Variants in INIP observed in about 807,000 individuals in gnomAD.
The protein encoded by INIP is SOSS complex subunit C.
A neutral mutation model predicts 14.0 loss-of-function variants in INIP; 9 were observed. The observed-to-expected ratio is 0.64, with a 90% CI of 0.39 to 1.12. INIP has a LOEUF of 1.12. Ranked by LOEUF, INIP falls within the 50% of genes most tolerant of loss-of-function variation. The pLI, the probability that INIP is intolerant of heterozygous loss-of-function variation, is 0.01. For missense variants in INIP, 78 were observed against 122.7 expected, an observed-to-expected ratio of 0.64 and a Z score of 1.72; for synonymous variants, 37 against 41.5, an observed-to-expected ratio of 0.89 and a Z score of 0.41.
intron 1 of INIP, among the ~76,000 whole-genome samples, chr9:112,716,794 TA>T (rs1389596768): frequency 2.6e-4 from 37 of 144,444 alleles, no homozygotes; most frequent in African/African-American, 3.0e-4. Flanking sequence ...AAAATAAAAT[TA>T]AAAAAAAAAA....
chr9:112,716,565 A>T, intron 1 of INIP, 24 bp from the exon 2 acceptor site: 38 of 1,144,118 alleles, frequency 3.3e-5, no homozygotes, highest in Non-Finnish European at 4.8e-5. Context: ...GTACACACAT[A>T]TACAATGCAC....
chr9:112,708,913 C>T (rs1367441149), intron 2 of INIP, among the ~76,000 whole-genome samples: 1 of 151,550 alleles, frequency 6.6e-6, no homozygotes, highest in Non-Finnish European at 1.5e-5. Context: ...CTTGCTCTGT[C>T]CTAAATCTAG....
chr9:112,698,783 T>C (rs1645680824), intron 2 of INIP, among the ~76,000 whole-genome samples: 1 of 152,186 alleles, frequency 6.6e-6, no homozygotes. Context: ...GTCAGATAAC[T>C]ATCTTAAGGA....
intron 1 of INIP, among the ~76,000 whole-genome samples, chr9:112,717,553 C>T (rs1331507966): frequency 6.6e-6 from 1 of 152,048 alleles, no homozygotes; most frequent in African/African-American, 2.4e-5. Context: ...TTAACAAACC[C>T]GCTCTTTAAA....
chr9:112,698,135 T>A (rs1364868092), intron 2 of INIP, among the ~76,000 whole-genome samples: 2 of 151,640 alleles, frequency 1.3e-5, no homozygotes, highest in Non-Finnish European at 2.9e-5. Flanking sequence ...AAACCCCATC[T>A]CTACTAAAAA....
intron 2 of INIP, among the ~76,000 whole-genome samples, chr9:112,697,367 T>C (rs1838131302): frequency 6.6e-6 from 1 of 152,184 alleles, no homozygotes; most frequent in Non-Finnish European, 1.5e-5. Flanking sequence ...ACTTACTAGG[T>C]TGTTTGGACC....
At chr9:112,711,721 G>A (rs1838653267) in intron 2 of INIP, among the ~76,000 whole-genome samples, 3 of 152,172 alleles carry the variant, frequency 2.0e-5, no homozygotes, top group Non-Finnish European at 2.9e-5. Context: ...AATCGCACAT[G>A]GCTATGTGAG....
chr9:112,713,103 CT>C lies in INIP; in HGVS notation c.25+3357del, dbSNP rs540602880. Among the ~76,000 whole-genome samples the C allele has an allele frequency of 1.4e-3, 216 of 152,286 alleles. 2 individuals are homozygous for C. Among genetic ancestry groups the C allele is most frequent in the African/African-American group, 4.7e-3 (194 of 41,574 alleles). On this transcript the variant is annotated intron_variant, in intron 2 of 4. Transcript: ENST00000374242. ...AGACCGAAGAATGAAAACAAAACAA[CT>C]TGCTAATAAAAGAAATAACCCAATT...
rs531094576 is a variant in INIP, at chr9:112,712,377, A to T, written c.25+4084T>A. On this transcript the variant is annotated intron_variant, in intron 2 of 4. Coordinates refer to ENST00000374242, the MANE Select transcript of INIP (RefSeq NM_021218.3). ...AGCTGTCTGCTAGAACAAAAATCAC[A>T]ATTTCAGAAGAATATAACAGAATCC... Among the ~76,000 whole-genome samples, 376 of 149,340 alleles carry T rather than the reference A, an allele frequency of 2.5e-3. 6 individuals are homozygous for T. The highest frequency in any genetic ancestry group is 9.3e-3 in the African/African-American group (362 of 38,770).
In INIP at chr9:112,716,211, T is replaced by C. The variant is rs189002084; in HGVS notation, c.25+250A>G. 1.6e-3 allele frequency among the ~76,000 whole-genome samples: 239 copies of C among 152,300 alleles called. 3 individuals carry two copies. Among genetic ancestry groups the C allele is most frequent in the African/African-American group, 5.4e-3 (225 of 41,558 alleles). On this transcript the variant is annotated intron_variant, in intron 2 of 4. Coordinates refer to ENST00000374242, the MANE Select transcript of INIP (RefSeq NM_021218.3). Reference sequence around the variant, plus strand: ...CCTCAGCCTCCCTAGTAGCTGGGATTACAGGTGCCCGCCACCATGCCCAGC... The same window carrying C: ...CCTCAGCCTCCCTAGTAGCTGGGATCACAGGTGCCCGCCACCATGCCCAGC...
chr9:112,704,223 C>T (rs1359863221), intron 2 of INIP, among the ~76,000 whole-genome samples: 1 of 152,134 alleles, frequency 6.6e-6, no homozygotes, highest in African/African-American at 2.4e-5. Flanking sequence ...TTAAAGAAGA[C>T]GCAGTGGCTG....
chr9:112,691,320 A>T (rs1453858716), intron 3 of INIP, among the ~76,000 whole-genome samples: 1 of 152,214 alleles, frequency 6.6e-6, no homozygotes, highest in East Asian at 1.9e-4. Context: ...TAACTAGTAG[A>T]TGGCAGCCTG....
chr9:112,691,808 G>T (rs1031292742), intron 3 of INIP, among the ~76,000 whole-genome samples: 4 of 152,174 alleles, frequency 2.6e-5, no homozygotes, highest in African/African-American at 9.7e-5. Flanking sequence ...CCAGGAGTTT[G>T]AGACCAGCCT....
intron 2 of INIP, among the ~76,000 whole-genome samples, chr9:112,707,096 T>C (rs1216841740): frequency 1.3e-5 from 2 of 151,982 alleles, no homozygotes; most frequent in Non-Finnish European, 2.9e-5. Context: ...TTAGCCACCA[T>C]GCCTGGCTAA....
In INIP at chr9:112,684,596, C is replaced by G. The variant is rs531760109; in HGVS notation, c.*2942G>C. 6.6e-6 allele frequency: 1 copy of G among 152,048 alleles called. No individual in the cohort carries two copies. The highest frequency in any genetic ancestry group is 1.5e-5 in the Non-Finnish European group (1 of 68,022). 9.4% of individuals were successfully genotyped at this position (152,048 alleles called of 1,614,324 possible). A position where few individuals can be genotyped will look rare whatever the true frequency, so the allele number is the denominator to read the frequency against. Reference sequence around the variant, plus strand: ...ATACAAAGTAAAATATAGGAACACACAGAAACAGAATATTCATGAGGCAAA... The same window carrying G: ...ATACAAAGTAAAATATAGGAACACAGAGAAACAGAATATTCATGAGGCAAA... On this transcript the variant is annotated 3_prime_UTR_variant, in exon 5 of 5. Transcript: ENST00000374242.
rs1588066238 is a variant in INIP at position 112,685,220 on chromosome 9, T to G, written c.*2318A>C. 1 of 150,820 alleles carries G rather than the reference T, an allele frequency of 6.6e-6. No homozygotes were observed. The highest frequency in any genetic ancestry group is 1.9e-4 in the East Asian group (1 of 5,134). 9.3% of individuals were successfully genotyped at this position (150,820 alleles called of 1,614,324 possible). A position where few individuals can be genotyped will look rare whatever the true frequency, so the allele number is the denominator to read the frequency against. On this transcript the variant is annotated 3_prime_UTR_variant, in exon 5 of 5. Coordinates refer to ENST00000374242, the MANE Select transcript of INIP (RefSeq NM_021218.3). The stretch of plus-strand genomic sequence containing the variant: ...AGCCTCCCGAGTGGCTGGGACTCTA[T>G]GCATGCACCAGCACACCTAGCCAAT...
At chr9:112,710,188 C>G (rs904595255) in intron 2 of INIP, among the ~76,000 whole-genome samples, 5 of 152,206 alleles carry the variant, frequency 3.3e-5, no homozygotes, top group African/African-American at 1.2e-4. Flanking sequence ...CAAGACACTT[C>G]CCAGGAGCCT....
chr9:112,709,558 C>T (rs758711814), intron 2 of INIP, among the ~76,000 whole-genome samples: 4 of 152,142 alleles, frequency 2.6e-5, no homozygotes, highest in Non-Finnish European at 4.4e-5. Flanking sequence ...AGTAAAAGAC[C>T]TAGAACACTG....
At chr9:112,711,997 T>G (rs1238155316) in intron 2 of INIP, among the ~76,000 whole-genome samples, 2 of 152,320 alleles carry the variant, frequency 1.3e-5, no homozygotes, top group African/African-American at 4.8e-5. Context: ...AGGCAGAAAC[T>G]GCAACTGGTG....
Sources: allele counts gnomAD v4.1 joint callset (sites outside exome capture counted in the v4.1 genomes callset), GRCh38; gene constraint gnomAD v4.1.1; transcripts MANE v1.5; gene names NCBI Gene and HGNC (gene_info 2026-07-23, HGNC 2026-07-21).